The following KCNH6 variants were observed in gnomAD, a reference collection of about 807,000 sequenced individuals.
KCNH6 encodes the protein voltage-gated inwardly rectifying potassium channel KCNH6.
A neutral mutation model predicts 83.4 loss-of-function variants in KCNH6; 81 were observed. The ratio of observed to expected loss-of-function variants is 0.97; its 90% confidence interval spans 0.81 to 1.17. The LOEUF is 1.17. Among genes scored for constraint, KCNH6 ranks in the 50% most tolerant of loss-of-function variants. The pLI is 0.00. For missense variants in KCNH6, 1,203 were observed against 1,290.5 expected (o/e 0.93, Z 1.04); for synonymous variants, 503 against 545.6 (o/e 0.92, Z 1.09).
rs1375180957 is a variant in KCNH6 at position 63,542,313 on chromosome 17, C to A, written c.2027C>A (p.Ala676Asp). 5.6e-6 allele frequency: 9 copies of A among 1,614,040 alleles called. No individual in the cohort carries two copies. Among genetic ancestry groups the A allele is most frequent in the African/African-American group, 2.7e-5 (2 of 74,940 alleles). Residue 676 changes from alanine to aspartate, a missense_variant, in exon 9 of 13, where the codon GCT (alanine) becomes GAT (aspartate). By Grantham distance (126) the Ala-to-Asp change is moderately radical (BLOSUM62 -2). Transcript: ENST00000314672. ...QPGKSSADVR[A>D]LTYCDLHKIQ... is the part of the protein sequence containing the mutation. ...GGCAAGTCCAGTGCAGACGTGCGGG[C>A]TCTGACCTACTGCGACCTGCACAAG...
At chr17:63,547,616 C>G (rs1055427987), downstream of KCNH6, among the ~76,000 whole-genome samples, 15 of 152,090 alleles carry the variant, frequency 9.9e-5, no homozygotes, top group African/African-American at 3.6e-4. Context: ...GCTTCAAAGC[C>G]TAATATTGAT....
Position 63,523,542 on chromosome 17 carries a change from A to G in KCNH6, c.76+53A>G. ...GACGATCTGGAGTCCTGGTTCCGTGAAAGGGGGGGCTGGACCCCTTTACTA... is the reference window on the plus strand; with the variant it reads ...GACGATCTGGAGTCCTGGTTCCGTGGAAGGGGGGGCTGGACCCCTTTACTA... On this transcript the variant is annotated intron_variant, in intron 1 of 12. Transcript: ENST00000314672. The surrounding 1 kb of genome is among the most constrained non-coding windows in gnomAD (Gnocchi z 4.2). 2.0e-6 allele frequency: 3 copies of G among 1,480,150 alleles called. No individual in the cohort carries two copies. The highest frequency in any genetic ancestry group is 1.2e-5 in the South Asian group (1 of 85,688). The allele number at this position is 1,480,150 out of a possible 1,614,324, so 91.7% of individuals were successfully genotyped here. A position where few individuals can be genotyped will look rare whatever the true frequency, so the allele number is the denominator to read the frequency against.
Position 63,538,466 on chromosome 17 carries a change from C to G in KCNH6, c.1758C>G (p.Arg586=). Residue 586 remains arginine (R), a synonymous_variant, in exon 8 of 13, where the codon CGC becomes CGG. Coordinates refer to ENST00000314672, the MANE Select transcript of KCNH6 (RefSeq NM_001278919.2). This position sits in a 1 kb window ranked among gnomAD's most constrained non-coding sequence, Gnocchi z 4.0. ...CTGACATCTGCCTGCACCTGCACCG[C>G]GCACTGCTGCAGCACTGCCCAGCTT... ...LQADICLHLH[R]ALLQHCPAFS... 6.2e-7 allele frequency: 1 copy of G among 1,604,346 alleles called. No homozygotes were observed. Among genetic ancestry groups the G allele is most frequent in the Non-Finnish European group, 8.5e-7 (1 of 1,176,086 alleles).
At chr17:63,547,987 T>C (rs543745362), downstream of KCNH6, among the ~76,000 whole-genome samples, 159 of 146,080 alleles carry the variant, frequency 1.1e-3, no homozygotes, top group Non-Finnish European at 2.0e-3. Context: ...AAAAAGTGGC[T>C]GGGCGCAGTG....
downstream of KCNH6, among the ~76,000 whole-genome samples, chr17:63,547,823 C>G (rs73332051): frequency 1.3e-5 from 2 of 151,974 alleles, no homozygotes; most frequent in Admixed American, 6.6e-5. Context: ...CATTGTGATG[C>G]GCACCTGTAG....
chr17:63,545,305 G>A (rs1303795434), intron 12 of KCNH6, 41 bp downstream of exon 12: 1 of 1,594,518 alleles, frequency 6.3e-7, no homozygotes, highest in Non-Finnish European at 8.6e-7. Context: ...CCTGCGAGCA[G>A]CTGCATGCCT....
rs377443350 is a variant in KCNH6, at chr17:63,533,870, C to T, written c.676-16C>T. The T allele has an allele frequency of 3.1e-5, 49 of 1,604,296 alleles. No homozygotes were observed. In the Middle Eastern group the frequency reaches 5.0e-4, roughly 16 times the overall value. On this transcript the variant is annotated splice_polypyrimidine_tract_variant and intron_variant, in intron 4 of 12. Transcript: ENST00000314672. The surrounding 1 kb of genome is among the most constrained non-coding windows in gnomAD (Gnocchi z 4.1). ...TGGCTGCCCCGTGCCTGACCTCCCT[C>T]GGCCCCCACCCCCAGGTCCTGTCCC...
At position 63,534,297 on chromosome 17, in the gene KCNH6, A is replaced by G. The variant is rs1210025867; in HGVS notation, c.1087A>G (p.Thr363Ala). 1.2e-5 allele frequency: 19 copies of G among 1,612,394 alleles called. No homozygotes were observed. Among genetic ancestry groups the G allele is most frequent in the East Asian group, 6.7e-5 (3 of 44,880 alleles). ...CCCTTTCGACCTCCTGATCTTCCGC[A>G]CTGGCTCCGATGAGGTGAGCAGACC... is the stretch of plus-strand genomic sequence containing the variant. ...AIPFDLLIFR[T>A]GSDETTTLIG... The change falls in exon 5 of 13, where the codon ACT becomes GCT. Residue 363 changes from threonine (T) to alanine (A), a missense_variant. Physicochemically the swap from Thr to Ala is moderately conservative, Grantham distance 58. Transcript: ENST00000314672. The surrounding 1 kb of genome is among the most constrained non-coding windows in gnomAD (Gnocchi z 5.0).
intron 2 of KCNH6, among the ~76,000 whole-genome samples, chr17:63,524,674 G>T (rs886222360): frequency 1.3e-5 from 2 of 152,212 alleles, no homozygotes; most frequent in African/African-American, 4.8e-5. Context: ...AGCCCCAGCG[G>T]TCAGGCAGCT....
intron 6 of KCNH6, among the ~76,000 whole-genome samples, chr17:63,537,397 G>C (rs990491689): frequency 6.6e-6 from 1 of 152,136 alleles, no homozygotes; most frequent in Non-Finnish European, 1.5e-5. Context: ...GAAGAAAATG[G>C]GTGAAAACAA....
At chr17:63,547,994 A>G (rs577883073), downstream of KCNH6, among the ~76,000 whole-genome samples, 202 of 150,212 alleles carry the variant, frequency 1.3e-3, 1 homozygote, top group Non-Finnish European at 2.4e-3. Flanking sequence ...GGCTGGGCGC[A>G]GTGGCTCACA....
Position 63,523,456 on chromosome 17 carries a change from C to T in KCNH6, c.43C>T (p.Leu15=). 1.2e-6 allele frequency: 2 copies of T among 1,608,364 alleles called. No homozygotes were observed. The highest frequency in any genetic ancestry group is 1.3e-5 in the African/African-American group (1 of 74,276). Residue 15 remains leucine (L), a synonymous_variant, in exon 1 of 13, where the codon CTG becomes TTG. Transcript: ENST00000314672. The surrounding 1 kb of genome is among the most constrained non-coding windows in gnomAD (Gnocchi z 4.2). The stretch of plus-strand genomic sequence containing the variant: ...CCACGTCGCTCCCCAAAACACTTAC[C>T]TGGACACCATCATCCGCAAGTTCGA... ...RGHVAPQNTY[L]DTIIRKFEGQ... is the part of the protein sequence containing the mutation.
intron 2 of KCNH6, 29 bp from the exon 3 acceptor site, chr17:63,530,058 GCCCA>G: frequency 6.2e-7 from 1 of 1,608,722 alleles, no homozygotes; most frequent in Non-Finnish European, 8.5e-7. Context: ...CCCCTTCAGG[GCCCA>G]CCCCCCATCC....
Position 63,523,790 on chromosome 17 carries a change from C to T in KCNH6, c.76+301C>T, listed in dbSNP as rs182730072. Among the ~76,000 whole-genome samples, 10 of 152,216 alleles carry T rather than the reference C, an allele frequency of 6.6e-5. No individual in the cohort carries two copies. The highest frequency in any genetic ancestry group is 3.3e-4 in the Admixed American group (5 of 15,292). On this transcript the variant is annotated intron_variant, in intron 1 of 12. Coordinates refer to ENST00000314672, the MANE Select transcript of KCNH6 (RefSeq NM_001278919.2). This position sits in a 1 kb window ranked among gnomAD's most constrained non-coding sequence, Gnocchi z 4.2. ...TCCAGCCACTGCCTGCCCCCTCATC[C>T]GCGTCCTCCAGAGGCTTCTCTGAGT...
At position 63,523,398 on chromosome 17, in the gene KCNH6, G is replaced by A. The variant is rs1334621529; in HGVS notation, c.-16G>A. The A allele has an allele frequency of 1.9e-6, 3 of 1,585,196 alleles. No individual in the cohort carries two copies. Among genetic ancestry groups the A allele is most frequent in the African/African-American group, 2.8e-5 (2 of 72,310 alleles). On this transcript the variant is annotated 5_prime_UTR_variant, in exon 1 of 13. Transcript: ENST00000314672. The surrounding 1 kb of genome is among the most constrained non-coding windows in gnomAD (Gnocchi z 4.2). The stretch of plus-strand genomic sequence containing the variant: ...CAGTGGCGCCTGTGGCTCCGGGCAG[G>A]GGCCGCGGCCGAAAGATGCCGGTCC...
In KCNH6 at chr17:63,538,486, C is replaced by T; in HGVS notation, c.1778C>T (p.Pro593Leu). 2 of 1,603,716 alleles carry T rather than the reference C, an allele frequency of 1.2e-6. No homozygotes were observed. The highest frequency in any genetic ancestry group is 8.5e-7 in the Non-Finnish European group (1 of 1,175,792). Residue 593 changes from proline to leucine, a missense_variant, in exon 8 of 13, where the codon CCA becomes CTA. Coordinates refer to ENST00000314672, the MANE Select transcript of KCNH6 (RefSeq NM_001278919.2). The surrounding 1 kb of genome is among the most constrained non-coding windows in gnomAD (Gnocchi z 4.0). Reference protein sequence around the residue: ...HLHRALLQHCPAFSGAGKGCL... With the variant: ...HLHRALLQHCLAFSGAGKGCL... ...CACCGCGCACTGCTGCAGCACTGCC[C>T]AGCTTTCAGCGGCGCCGGCAAGGGC...
Position 63,530,491 on chromosome 17 carries a change from G to T in KCNH6, c.624G>T (p.Ala208=), listed in dbSNP as rs1293254072. The T allele has an allele frequency of 6.2e-7, 1 of 1,614,182 alleles. No individual in the cohort carries two copies. The highest frequency in any genetic ancestry group is 2.2e-5 in the East Asian group (1 of 44,878). ...CCACCACGGAGATTGAGATCATCGC[G>T]CCCCATAAGGTGGTGGAGCGGACAC... ...SSSTTEIEII[A]PHKVVERTQN... Residue 208 remains alanine, a synonymous_variant, in exon 4 of 13, where the codon GCG becomes GCT. Coordinates refer to ENST00000314672, the MANE Select transcript of KCNH6 (RefSeq NM_001278919.2).
rs1201829034 is a variant in KCNH6 at position 63,545,859 on chromosome 17, G to C, written c.2834G>C (p.Arg945Thr). Residue 945 changes from arginine to threonine, a missense_variant, in exon 13 of 13, where the codon AGA (arginine) becomes ACA (threonine). Transcript: ENST00000314672. ...GSVPKQLDFQ[R>T]HGSDPGFAGS... The stretch of plus-strand genomic sequence containing the variant: ...GTTCCCAAGCAGCTGGACTTCCAGA[G>C]ACATGGCTCAGATCCTGGATTTGCA... 6.2e-7 allele frequency: 1 copy of C among 1,613,976 alleles called. No individual in the cohort carries two copies. Among genetic ancestry groups the C allele is most frequent in the African/African-American group, 1.3e-5 (1 of 74,912 alleles).
intron 9 of KCNH6, 77 bp downstream of exon 9, chr17:63,542,511 C>A: frequency 4.0e-6 from 5 of 1,257,328 alleles, no homozygotes; most frequent in Non-Finnish European, 4.6e-6. Context: ...CCCATCTGAC[C>A]AACACCCTTC....
Sources: allele counts gnomAD v4.1 joint callset (sites outside exome capture counted in the v4.1 genomes callset), GRCh38; gene constraint gnomAD v4.1.1; non-coding constraint Gnocchi (gnomAD v3.1); transcripts MANE v1.5; gene names NCBI Gene and HGNC (gene_info 2026-07-23, HGNC 2026-07-21).